The following BCL11B variants were observed in gnomAD, a reference collection of about 807,000 sequenced individuals.
The protein encoded by BCL11B is BCL11 transcription factor B, also known as B-cell lymphoma/leukemia 11B.
In BCL11B, 8 loss-of-function variants were observed where a neutral mutation model predicts 49.9. The ratio of observed to expected loss-of-function variants is 0.16; its 90% CI spans 0.09 to 0.29. The LOEUF (loss-of-function observed/expected upper bound fraction) is 0.29. Among genes scored for constraint, BCL11B ranks in the 10% least tolerant of loss-of-function variants. The pLI is 1.00. For missense variants in BCL11B, 1,006 were observed against 1,351.0 expected (o/e 0.74, Z 4.00); for synonymous variants, 739 against 637.4 (o/e 1.16, Z -2.40).
In BCL11B at chr14:99,257,509, G is replaced by C; in HGVS notation, c.389C>G (p.Pro130Arg). 1 of 1,611,698 alleles carries C rather than the reference G, an allele frequency of 6.2e-7. No individual in the cohort carries two copies. The highest frequency in any genetic ancestry group is 8.5e-7 in the Non-Finnish European group (1 of 1,178,296). Residue 130 changes from proline (P) to arginine (R), a missense_variant, in exon 2 of 4, where the codon CCC (proline) becomes CGC (arginine). Pro to Arg is a moderately radical substitution (Grantham distance 103). Around this residue, in one of 6 missense-constraint regions of BCL11B, gnomAD observed 411 missense variants for 542.2 expected, o/e 0.76. Transcript: ENST00000357195. The surrounding 1 kb of genome is among the most constrained non-coding windows in gnomAD (Gnocchi z 6.2). ...CTGCTTGGGACAGATGCCTTTCGTG[G>C]GTGAGAGCAGGTGGTCATCTTCGTC... is the stretch of plus-strand genomic sequence containing the variant. The part of the protein sequence containing the change: ...TPDEDDHLLS[P>R]TKGICPKQEN...
intron 3 of BCL11B, among the ~76,000 whole-genome samples, chr14:99,226,744 T>C (rs1337774832): frequency 6.6e-6 from 1 of 152,170 alleles, no homozygotes; most frequent in Non-Finnish European, 1.5e-5. Context: ...CAACACAAAA[T>C]GAACACTGGG....
rs2139739883 is a variant in BCL11B, at chr14:99,169,463, A to G, written c.*4688T>C. On this transcript the variant is annotated 3_prime_UTR_variant, in exon 4 of 4. Coordinates refer to ENST00000357195, the MANE Select transcript of BCL11B (RefSeq NM_138576.4). Reference sequence around the variant, plus strand: ...AGAATAAAGGAACAATAAATATTTTACTAAGCCATATTGAAATGACCTCCT... The same window carrying G: ...AGAATAAAGGAACAATAAATATTTTGCTAAGCCATATTGAAATGACCTCCT... 1 of 196,806 alleles carries G rather than the reference A, an allele frequency of 5.1e-6. No homozygotes were observed. Among genetic ancestry groups the G allele is most frequent in the Middle Eastern group, 1.8e-3 (1 of 570 alleles). The allele number at this position is 196,806 out of a possible 1,614,324, so 12.2% of individuals were successfully genotyped here.
At chr14:99,200,384 A>G (rs1887342496) in intron 3 of BCL11B, among the ~76,000 whole-genome samples, 1 of 152,238 alleles carries the variant, frequency 6.6e-6, no homozygotes, top group Non-Finnish European at 1.5e-5. Flanking sequence ...CCAAGTGCCA[A>G]GAAGCCAATA....
intron 3 of BCL11B, among the ~76,000 whole-genome samples, chr14:99,199,683 T>TGTGTGTGTGTGTGTGTGTGCGCGCGC (rs759599743): frequency 2.0e-4 from 15 of 73,736 alleles, no homozygotes; most frequent in African/African-American, 4.7e-4. Context: ...TGTGTGTGTG[T>TGTGTGTGTGTGTGTGTGTGCGCGCGC]GCGCGCGCGC....
At chr14:99,259,270 C>T (rs1339203026) in intron 1 of BCL11B, among the ~76,000 whole-genome samples, 1 of 152,182 alleles carries the variant, frequency 6.6e-6, no homozygotes, top group East Asian at 1.9e-4. Context: ...GAGGAAAATA[C>T]ATTCCGTGGC....
At position 99,171,973 on chromosome 14, in the gene BCL11B, G is replaced by T; in HGVS notation, c.*2178C>A. 1 of 201,386 alleles carries T rather than the reference G, an allele frequency of 5.0e-6. No individual in the cohort carries two copies. Among genetic ancestry groups the T allele is most frequent in the Non-Finnish European group, 1.0e-5 (1 of 98,284 alleles). The allele number at this position is 201,386 out of a possible 1,614,324, so 12.5% of individuals were successfully genotyped here. On this transcript the variant is annotated 3_prime_UTR_variant, in exon 4 of 4. Coordinates refer to ENST00000357195, the MANE Select transcript of BCL11B (RefSeq NM_138576.4). ...TATATATAATATATACTAAAACCCC[G>T]TCACCAAAAGAAAACAATATACACG... is the stretch of plus-strand genomic sequence containing the variant.
chr14:99,202,898 G>C (rs1887427922), intron 3 of BCL11B, among the ~76,000 whole-genome samples: 1 of 152,200 alleles, frequency 6.6e-6, no homozygotes, highest in African/African-American at 2.4e-5. Context: ...AGTCAAACCA[G>C]GCAAATCTAA....
intron 3 of BCL11B, among the ~76,000 whole-genome samples, chr14:99,178,236 G>C (rs1380979978): frequency 6.6e-6 from 1 of 152,200 alleles, no homozygotes; most frequent in Non-Finnish European, 1.5e-5. Flanking sequence ...ATGAGAAGAC[G>C]GTGGTAGGGA....
Position 99,192,501 on chromosome 14 carries a change from C to T in BCL11B, c.641-16306G>A, listed in dbSNP as rs1595232205. Among the ~76,000 whole-genome samples, 4 of 152,284 alleles carry T rather than the reference C, an allele frequency of 2.6e-5. No homozygotes were observed. On this transcript the variant is annotated intron_variant, in intron 3 of 3. Transcript: ENST00000357195. This position sits in a 1 kb window ranked among gnomAD's most constrained non-coding sequence, Gnocchi z 4.0. ...TGCCGGCACGTTCTGGAGACCACAG[C>T]GCGCTACCTTTCACCTCGTCCTCGC...
At chr14:99,208,964 G>T (rs1308382213) in intron 3 of BCL11B, among the ~76,000 whole-genome samples, 3 of 152,172 alleles carry the variant, frequency 2.0e-5, no homozygotes, top group African/African-American at 7.2e-5. Flanking sequence ...GGAGAGAGAG[G>T]CTCCATGCGA....
chr14:99,190,900 G>A (rs981626374), intron 3 of BCL11B, among the ~76,000 whole-genome samples: 3 of 91,484 alleles, frequency 3.3e-5, no homozygotes, highest in Non-Finnish European at 4.8e-5. Context: ...CGCCCGCTTC[G>A]GCCACACGGG....
At chr14:99,179,205 G>T (rs1886626099) in intron 3 of BCL11B, among the ~76,000 whole-genome samples, 1 of 152,140 alleles carries the variant, frequency 6.6e-6, no homozygotes, top group African/African-American at 2.4e-5. Flanking sequence ...TGGGCACGGT[G>T]GCTCACGCCT....
At chr14:99,178,182 A>G (rs1403189475) in intron 3 of BCL11B, among the ~76,000 whole-genome samples, 1 of 152,186 alleles carries the variant, frequency 6.6e-6, no homozygotes, top group East Asian at 1.9e-4. Context: ...TTGGCATTAC[A>G]TAGGGATTCT....
At chr14:99,191,292 C>A (rs1190069208) in intron 3 of BCL11B, among the ~76,000 whole-genome samples, 1 of 152,024 alleles carries the variant, frequency 6.6e-6, no homozygotes, top group African/African-American at 2.4e-5. Flanking sequence ...AGGACATCTC[C>A]CCAACAAAGG....
chr14:99,257,182 C>T lies in BCL11B; in HGVS notation c.427+289G>A, dbSNP rs1039805369. On this transcript the variant is annotated intron_variant, in intron 2 of 3. Transcript: ENST00000357195. This position sits in a 1 kb window ranked among gnomAD's most constrained non-coding sequence, Gnocchi z 6.2. ...AGCAAAGAGAGGGCCAACCAGACTT[C>T]CAAATTTTCATTCTGTGCTTCTGAC... Among the ~76,000 whole-genome samples, 2 of 152,168 alleles carry T rather than the reference C, an allele frequency of 1.3e-5. No homozygotes were observed. Among genetic ancestry groups the T allele is most frequent in the Admixed American group, 6.5e-5 (1 of 15,286 alleles).
At chr14:99,225,238 T>C (rs1293539513) in intron 3 of BCL11B, among the ~76,000 whole-genome samples, 1 of 152,246 alleles carries the variant, frequency 6.6e-6, no homozygotes, top group Non-Finnish European at 1.5e-5. Flanking sequence ...GCCACCCATG[T>C]GTCATGGCTT....
chr14:99,198,438 A>G (rs747267257), intron 3 of BCL11B, among the ~76,000 whole-genome samples: 7 of 152,164 alleles, frequency 4.6e-5, no homozygotes, highest in Non-Finnish European at 1.0e-4. Context: ...ATTTTCCCAC[A>G]TCGCTAGAAG....
rs771702157 is a variant in BCL11B at position 99,192,188 on chromosome 14, C to T, written c.641-15993G>A. ...AGTGCTGGCTCCACTGGACGGAATG[C>T]GTGTGTTTTGCTTGGCGGCTGTTCA... On this transcript the variant is annotated intron_variant, in intron 3 of 3. Transcript: ENST00000357195. The surrounding 1 kb of genome is among the most constrained non-coding windows in gnomAD (Gnocchi z 4.0). 3.9e-5 allele frequency among the ~76,000 whole-genome samples: 6 copies of T among 152,186 alleles called. No individual in the cohort carries two copies. The highest frequency in any genetic ancestry group is 6.5e-5 in the Admixed American group (1 of 15,284).
At chr14:99,200,975 G>GGGGAAGT (rs1887363353) in intron 3 of BCL11B, among the ~76,000 whole-genome samples, 1 of 152,150 alleles carries the variant, frequency 6.6e-6, no homozygotes. Flanking sequence ...ACCAGACTTT[G>GGGGAAGT]CTGGCTTGGG....
Sources: gnomAD v4.1 joint callset for allele counts (sites outside exome capture counted in the v4.1 genomes callset) on GRCh38, gnomAD v4.1.1 for gene constraint, gnomAD v4.1.1 regional missense constraint, Gnocchi (gnomAD v3.1) non-coding constraint, MANE v1.5 for transcripts, NCBI Gene and HGNC (gene_info 2026-07-23, HGNC 2026-07-21) for gene names.